PGBD5: variants seen among roughly 807,000 people sequenced by gnomAD.
PGBD5 encodes the protein piggyBac transposable element derived 5.
A neutral mutation model predicts 47.9 loss-of-function variants in PGBD5; 14 were observed. That is an observed-to-expected ratio of 0.29 (90% confidence interval 0.19 to 0.46). The LOEUF (loss-of-function observed/expected upper bound fraction) is 0.46, where lower values mean the gene tolerates loss of function less well. Among genes scored for constraint, PGBD5 ranks in the 20% least tolerant of loss-of-function variants. PGBD5 has a pLI of 1.00. For missense variants in PGBD5, 635 were observed against 716.0 expected (o/e 0.89, Z 1.29); for synonymous variants, 316 against 306.3 (o/e 1.03, Z -0.33).
intron 3 of PGBD5, among the ~76,000 whole-genome samples, chr1:230,350,383 T>C (rs1667542462): frequency 6.6e-6 from 1 of 152,204 alleles, no homozygotes; most frequent in Admixed American, 6.5e-5. Flanking sequence ...TTGTGAAACA[T>C]GCACCCATGT....
intron 5 of PGBD5, 31 bp downstream of exon 5, chr1:230,332,813 C>G (rs772323002): frequency 6.2e-7 from 1 of 1,613,448 alleles, no homozygotes; most frequent in South Asian, 1.1e-5. Context: ...CCCCGCGCGC[C>G]CCACTGTGTC....
chr1:230,425,618 G>T lies in PGBD5; in HGVS notation c.311C>A (p.Pro104Gln). ...CTTACCGCCGGTATCCTCGAAGCGCGGGGGCGGGCGGTCCCGCAGCGCTGC... is the reference window on the plus strand; with the variant it reads ...CTTACCGCCGGTATCCTCGAAGCGCTGGGGCGGGCGGTCCCGCAGCGCTGC... ...WSAALRDRPPPRFEDTGGPTR... is the reference protein window; with the variant it reads ...WSAALRDRPPQRFEDTGGPTR... The change falls in exon 1 of 7, where the codon CCG (proline) becomes CAG (glutamine). Residue 104 changes from proline to glutamine, a missense_variant. Coordinates refer to ENST00000391860, the MANE Select transcript of PGBD5 (RefSeq NM_001258311.2). The surrounding 1 kb of genome is among the most constrained non-coding windows in gnomAD (Gnocchi z 4.7). 1 of 1,219,586 alleles carries T rather than the reference G, an allele frequency of 8.2e-7. No homozygotes were observed. The highest frequency in any genetic ancestry group is 1.0e-6 in the Non-Finnish European group (1 of 980,244). 75.5% of individuals were successfully genotyped at this position (1,219,586 alleles called of 1,614,324 possible). A position where few individuals can be genotyped will look rare whatever the true frequency, so the allele number is the denominator to read the frequency against.
At chr1:230,418,849 AG>A (rs1657582600) in intron 1 of PGBD5, among the ~76,000 whole-genome samples, 2 of 152,254 alleles carry the variant, frequency 1.3e-5, no homozygotes, top group African/African-American at 4.8e-5. Flanking sequence ...TACCCATGTA[AG>A]AATGCACTGT....
At chr1:230,356,582 T>C (rs778227893) in intron 2 of PGBD5, among the ~76,000 whole-genome samples, 2 of 152,150 alleles carry the variant, frequency 1.3e-5, no homozygotes, top group African/African-American at 2.4e-5. Context: ...AATATTCGCC[T>C]GAGCAAAACA....
chr1:230,405,871 A>G (rs1657287496), intron 1 of PGBD5, among the ~76,000 whole-genome samples: 1 of 151,450 alleles, frequency 6.6e-6, no homozygotes, highest in South Asian at 2.1e-4. Flanking sequence ...GTAGATTCCC[A>G]TCATGTCTAA....
intron 1 of PGBD5, among the ~76,000 whole-genome samples, chr1:230,365,312 CAA>C (rs34846205): frequency 6.9e-5 from 8 of 115,700 alleles, no homozygotes; most frequent in Admixed American, 8.9e-5. Flanking sequence ...GACTCCATCT[CAA>C]AAAAAAAAAA....
chr1:230,393,397 T>C (rs1051418986), intron 1 of PGBD5, among the ~76,000 whole-genome samples: 2 of 151,922 alleles, frequency 1.3e-5, no homozygotes, highest in Admixed American at 1.3e-4. Flanking sequence ...GCAGGCGGAC[T>C]CTAGGAGGCT....
chr1:230,357,961 CACATACATACACACACAT>C lies in PGBD5; in HGVS notation c.332-658_332-641del, dbSNP rs1667681975. ...ACATATATATACACATGCATATATA[CACATACATACACACACAT>C]ACATACATACATACACAGGCACACA... is the stretch of plus-strand genomic sequence containing the variant. On this transcript the variant is annotated intron_variant, in intron 1 of 6. Coordinates refer to ENST00000391860, the MANE Select transcript of PGBD5 (RefSeq NM_001258311.2). The surrounding 1 kb of genome is among the most constrained non-coding windows in gnomAD (Gnocchi z 5.7). Among the ~76,000 whole-genome samples the C allele has an allele frequency of 6.6e-6, 1 of 151,728 alleles. No individual in the cohort carries two copies. Among genetic ancestry groups the C allele is most frequent in the African/African-American group, 2.4e-5 (1 of 41,086 alleles).
intron 1 of PGBD5, among the ~76,000 whole-genome samples, chr1:230,399,710 C>G (rs1242073309): frequency 6.6e-6 from 1 of 152,146 alleles, no homozygotes; most frequent in Non-Finnish European, 1.5e-5. Flanking sequence ...CCCCCGCAGA[C>G]CGGAGGATGC....
chr1:230,368,128 T>TG, intron 1 of PGBD5: 1 of 1,367,768 alleles, frequency 7.3e-7, no homozygotes, highest in South Asian at 1.1e-5. Context: ...ACACAGATGG[T>TG]GGTGGTGAGG....
chr1:230,342,898 G>A (rs989800978), intron 3 of PGBD5, among the ~76,000 whole-genome samples: 3 of 152,130 alleles, frequency 2.0e-5, no homozygotes, highest in Non-Finnish European at 2.9e-5. Context: ...ATTCAGGCCC[G>A]CAGCCACACT....
At chr1:230,374,234 C>T (rs1314828907) in intron 1 of PGBD5, among the ~76,000 whole-genome samples, 4 of 152,108 alleles carry the variant, frequency 2.6e-5, no homozygotes, top group East Asian at 3.9e-4. Flanking sequence ...CTGACCAACA[C>T]GGTGAAACCC....
rs573524929 is a variant in PGBD5 at position 230,383,953 on chromosome 1, T to G, written c.332-26632A>C. Among the ~76,000 whole-genome samples, 3 of 152,194 alleles carry G rather than the reference T, an allele frequency of 2.0e-5. No homozygotes were observed. In the East Asian group the frequency reaches 5.8e-4, roughly 29 times the overall value. On this transcript the variant is annotated intron_variant, in intron 1 of 6. Coordinates refer to ENST00000391860, the MANE Select transcript of PGBD5 (RefSeq NM_001258311.2). ...GGTGAAGGCAGTAGATCAGGCTCGG[T>G]CCTCCCCTGTGACTTCGGGGATAAG...
intron 1 of PGBD5, among the ~76,000 whole-genome samples, chr1:230,403,430 T>C (rs533624033): frequency 6.6e-6 from 1 of 152,294 alleles, no homozygotes; most frequent in Non-Finnish European, 1.5e-5. Flanking sequence ...TGAGAAGAAG[T>C]GGCTGGGTGC....
At position 230,327,007 on chromosome 1, in the gene PGBD5, T is replaced by C. The variant is rs796731462; in HGVS notation, c.1274-1592A>G. On this transcript the variant is annotated intron_variant, in intron 5 of 6. Coordinates refer to ENST00000391860, the MANE Select transcript of PGBD5 (RefSeq NM_001258311.2). ...GCACACGGAGACCCATGAGCCCTCCTTGCCCCGCTGCCAAGCCACTGCTGG... is the reference window on the plus strand; with the variant it reads ...GCACACGGAGACCCATGAGCCCTCCCTGCCCCGCTGCCAAGCCACTGCTGG... Among the ~76,000 whole-genome samples the C allele has an allele frequency of 4.6e-5, 7 of 152,296 alleles. No individual in the cohort carries two copies. In the South Asian group the frequency reaches 1.5e-3, roughly 32 times the overall value.
chr1:230,368,128 T>C (rs1667870580), intron 1 of PGBD5: 1 of 1,367,768 alleles, frequency 7.3e-7, no homozygotes, highest in Non-Finnish European at 9.8e-7. Flanking sequence ...ACACAGATGG[T>C]GGTGGTGAGG....
intron 1 of PGBD5, among the ~76,000 whole-genome samples, chr1:230,379,839 T>A (rs1040747141): frequency 1.3e-5 from 2 of 152,204 alleles, no homozygotes; most frequent in African/African-American, 4.8e-5. Flanking sequence ...TTAATCTGCA[T>A]CCTCCCCTCT....
intron 1 of PGBD5, among the ~76,000 whole-genome samples, chr1:230,365,592 A>C (rs1264651941): frequency 6.6e-6 from 1 of 152,186 alleles, no homozygotes; most frequent in Non-Finnish European, 1.5e-5. Context: ...ACTTAAAAAC[A>C]TCTCTCAGGA....
At chr1:230,352,959 A>T (rs763533649) in intron 2 of PGBD5, among the ~76,000 whole-genome samples, 1 of 152,204 alleles carries the variant, frequency 6.6e-6, no homozygotes, top group Non-Finnish European at 1.5e-5. Flanking sequence ...TCTCTTCAGA[A>T]AGAAAGTGCA....
Sources: allele counts gnomAD v4.1 joint callset (sites outside exome capture counted in the v4.1 genomes callset), GRCh38; gene constraint gnomAD v4.1.1; non-coding constraint Gnocchi (gnomAD v3.1); transcripts MANE v1.5; gene names NCBI Gene and HGNC (gene_info 2026-07-23, HGNC 2026-07-21).